Variants in OCA2 observed in about 807,000 individuals in gnomAD.
The protein encoded by OCA2 is OCA2 melanosomal transmembrane protein.
A neutral mutation model predicts 100.2 loss-of-function variants in OCA2; 77 were observed. That is an observed-to-expected ratio of 0.77 (90% CI 0.64 to 0.93). The LOEUF (loss-of-function observed/expected upper bound fraction) is 0.93, where lower values mean the gene tolerates loss of function less well. Among genes scored for constraint, OCA2 ranks in the 40% least tolerant of loss-of-function variants. The pLI is 0.00. For synonymous variants in OCA2, 432 were observed against 439.2 expected (o/e 0.98, Z 0.21); for missense variants, 1,062 against 1,089.1 (o/e 0.98, Z 0.35).
At position 28,086,458 on chromosome 15, in the gene OCA2, A is replaced by C. The variant is rs534794186; in HGVS notation, c.-21-4563T>G. On this transcript the variant is annotated intron_variant, in intron 1 of 23. Transcript: ENST00000354638. ...CTTCTAACCCTATCTGGCAGCAATG[A>C]GACAGTGTCAGGCCCTTCTGCTGGC... 2.6e-5 allele frequency among the ~76,000 whole-genome samples: 4 copies of C among 152,306 alleles called. No individual in the cohort carries two copies. The South Asian group carries it at 8.3e-4, about 32-fold the overall frequency.
the OCA2 span, among the ~76,000 whole-genome samples, chr15:27,724,854 C>T: frequency 2.6e-5 from 4 of 151,724 alleles, no homozygotes; most frequent in South Asian, 6.2e-4. Context: ...AGAAAACTGC[C>T]GCTTGGATAA....
chr15:28,059,536 G>A (rs1281192626), intron 2 of OCA2, among the ~76,000 whole-genome samples: 1 of 152,156 alleles, frequency 6.6e-6, no homozygotes, highest in Non-Finnish European at 1.5e-5. Flanking sequence ...GCAAGACCCT[G>A]TCTCAGAAAT....
chr15:27,951,101 G>A (rs932700841), intron 18 of OCA2, among the ~76,000 whole-genome samples: 1 of 152,190 alleles, frequency 6.6e-6, no homozygotes, highest in Non-Finnish European at 1.5e-5. Context: ...GCCTGGGAGA[G>A]TGGAGAACGT....
At chr15:27,789,929 G>A (rs1264993576) in intron 23 of OCA2, among the ~76,000 whole-genome samples, 4 of 151,938 alleles carry the variant, frequency 2.6e-5, no homozygotes, top group Admixed American at 6.6e-5. Flanking sequence ...ATCCCCAAAG[G>A]GACAAATTCA....
At chr15:27,955,030 C>T (rs567993970) in intron 17 of OCA2, 128 bp downstream of exon 17, 14 of 787,172 alleles carry the variant, frequency 1.8e-5, no homozygotes, top group South Asian at 2.8e-5. Flanking sequence ...TAAACCTCAA[C>T]GTCTTGTGTA....
At chr15:28,087,022 G>A (rs140284294) in intron 1 of OCA2, among the ~76,000 whole-genome samples, 7 of 152,268 alleles carry the variant, frequency 4.6e-5, no homozygotes, top group South Asian at 2.1e-4. Flanking sequence ...AGTATTTGAC[G>A]ATCTCATGGC....
At chr15:28,079,274 G>A (rs1394502631) in intron 2 of OCA2, among the ~76,000 whole-genome samples, 17 of 149,976 alleles carry the variant, frequency 1.1e-4, no homozygotes, top group African/African-American at 4.0e-4. Context: ...AAAGACTTAC[G>A]TATCTTTTCT....
At chr15:28,038,088 C>T (rs773905402) in intron 2 of OCA2, among the ~76,000 whole-genome samples, 8 of 151,470 alleles carry the variant, frequency 5.3e-5, no homozygotes, top group Non-Finnish European at 1.0e-4. Flanking sequence ...CTCTTCTCCT[C>T]TCTTTCTCTC....
intron 23 of OCA2, among the ~76,000 whole-genome samples, chr15:27,832,791 C>G (rs2035010060): frequency 3.3e-5 from 5 of 151,798 alleles, no homozygotes. Context: ...CATTTTAATA[C>G]ACTGACTATT....
chr15:27,770,779 A>ATTCTTCCTCCCTCCCTCCCTCTTT (rs1302416244), intron 23 of OCA2, among the ~76,000 whole-genome samples: 1 of 61,684 alleles, frequency 1.6e-5, no homozygotes, highest in Non-Finnish European at 4.7e-5. Flanking sequence ...CCTCCCTTCC[A>ATTCTTCCTCCCTCCCTCCCTCTTT]TCCTTCCTTC....
intron 4 of OCA2, 30 bp from the exon 5 acceptor site, chr15:28,024,932 C>A (rs1314632259): frequency 6.2e-7 from 1 of 1,611,140 alleles, no homozygotes; most frequent in Admixed American, 1.7e-5. Context: ...GCCTTAGTGG[C>A]AAGGGCAGCA....
At chr15:27,875,887 A>G in intron 19 of OCA2, among the ~76,000 whole-genome samples, 1 of 152,010 alleles carries the variant, frequency 6.6e-6, no homozygotes. Context: ...TGCTAAATTT[A>G]TATATTAGTG....
chr15:27,766,702 C>T (rs2031289595), intron 23 of OCA2, among the ~76,000 whole-genome samples: 1 of 152,220 alleles, frequency 6.6e-6, no homozygotes, highest in South Asian at 2.1e-4. Context: ...AGTACCAAGG[C>T]AGCCTCGCCT....
intron 18 of OCA2, among the ~76,000 whole-genome samples, chr15:27,949,414 G>T (rs1000764732): frequency 1.3e-5 from 2 of 152,160 alleles, no homozygotes; most frequent in Non-Finnish European, 2.9e-5. Context: ...TGTAATCCCC[G>T]CACTTTGGGA....
At chr15:27,891,193 C>G (rs2037446813) in intron 19 of OCA2, among the ~76,000 whole-genome samples, 1 of 152,098 alleles carries the variant, frequency 6.6e-6, no homozygotes. Context: ...ATAAAGGAAT[C>G]TTAATGGAAG....
At chr15:28,094,669 G>A (rs1334268650) in intron 1 of OCA2, among the ~76,000 whole-genome samples, 1 of 152,200 alleles carries the variant, frequency 6.6e-6, no homozygotes, top group Non-Finnish European at 1.5e-5. Context: ...CCGGCTCTGC[G>A]CTCTTTCTGC....
intron 19 of OCA2, among the ~76,000 whole-genome samples, chr15:27,900,843 C>A (rs1282539376): frequency 6.6e-6 from 1 of 152,174 alleles, no homozygotes; most frequent in Non-Finnish European, 1.5e-5. Flanking sequence ...AGTACAGACA[C>A]AACACCAAGG....
intron 15 of OCA2, among the ~76,000 whole-genome samples, chr15:27,959,007 T>C (rs373543384): frequency 2.2e-4 from 34 of 152,260 alleles, no homozygotes; most frequent in African/African-American, 8.2e-4. Flanking sequence ...TGAGTGCTCA[T>C]CACCCACTGC....
At chr15:27,998,384 T>C (rs34039835) in intron 9 of OCA2, among the ~76,000 whole-genome samples, 14,669 of 61,718 alleles carry the variant, frequency 0.24, 1,739 homozygotes, top group Middle Eastern at 0.41. Flanking sequence ...AAAAAGTGGG[T>C]GAAGGATATG....
Sources: allele counts gnomAD v4.1 joint callset (sites outside exome capture counted in the v4.1 genomes callset), GRCh38; gene constraint gnomAD v4.1.1; transcripts MANE v1.5; gene names NCBI Gene and HGNC (gene_info 2026-07-23, HGNC 2026-07-21).